Variants in ZNF385D observed in about 807,000 individuals in gnomAD.
ZNF385D encodes zinc finger protein 385D.
In ZNF385D, 15 loss-of-function variants were observed where a neutral mutation model predicts 35.8. That is an observed-to-expected ratio of 0.42 (90% CI 0.28 to 0.64). The LOEUF (loss-of-function observed/expected upper bound fraction) is 0.64. ZNF385D is among the 30% of genes least tolerant of loss of function. The probability of loss-of-function intolerance (pLI) is 0.23; values close to 1 mark genes in which losing one functional copy is unlikely to be tolerated. For synonymous variants in ZNF385D, 212 were observed against 186.8 expected (o/e 1.13, Z -1.10); for missense variants, 474 against 494.6 (o/e 0.96, Z 0.39).
chr3:21,743,845 T>C (rs1412676151), intron 1 of ZNF385D, among the ~76,000 whole-genome samples: 1 of 152,224 alleles, frequency 6.6e-6, no homozygotes, highest in Middle Eastern at 3.2e-3. Flanking sequence ...TGATTTGATG[T>C]AAAAAGACAA....
In ZNF385D at chr3:21,413,623, A is replaced by T. The variant is rs1666526130; in HGVS notation, c.*7591T>A. The T allele has an allele frequency of 6.6e-6, 1 of 152,098 alleles. No homozygotes were observed. Among genetic ancestry groups the T allele is most frequent in the Admixed American group, 6.6e-5 (1 of 15,250 alleles). The allele number at this position is 152,098 out of a possible 1,614,324, so 9.4% of individuals were successfully genotyped here. On this transcript the variant is annotated 3_prime_UTR_variant, in exon 8 of 8. Transcript: ENST00000281523. ...ATTGATATTAGATAAAACCCTGGTTATATTTTTTAAGCCATAAGAATATAA... is the reference window on the plus strand; with the variant it reads ...ATTGATATTAGATAAAACCCTGGTTTTATTTTTTAAGCCATAAGAATATAA...
intron 3 of ZNF385D, among the ~76,000 whole-genome samples, chr3:21,756,789 T>C (rs868865594): frequency 1.3e-5 from 2 of 152,192 alleles, no homozygotes; most frequent in East Asian, 1.9e-4. Context: ...AGTTGGCCTA[T>C]AGTATACCAC....
Position 22,292,840 on chromosome 3 carries a change from AAGAG to A in ZNF385D, c.106+79606_106+79609del, listed in dbSNP as rs1320443890. ...GGGCAAAATTCTATAGTGACAGAAA[AAGAG>A]AGAGAGAATTTTAAGCAGCAGCTGC... is the stretch of plus-strand genomic sequence containing the variant. On this transcript the variant is annotated intron_variant, in intron 2 of 5. Coordinates refer to the ZNF385D transcript ENST00000494108. Among the ~76,000 whole-genome samples the A allele has an allele frequency of 7.2e-5, 11 of 152,212 alleles. No homozygotes were observed. In the East Asian group the frequency reaches 9.7e-4, roughly 13 times the overall value.
chr3:21,466,310 C>T (rs975632199), intron 4 of ZNF385D, among the ~76,000 whole-genome samples: 4 of 152,180 alleles, frequency 2.6e-5, no homozygotes, highest in African/African-American at 9.7e-5. Flanking sequence ...CCTACTCCTT[C>T]ATACATCCAC....
intron 3 of ZNF385D, among the ~76,000 whole-genome samples, chr3:21,997,895 G>C (rs150712592): frequency 0.023 from 3,464 of 151,144 alleles, 77 homozygotes; most frequent in Middle Eastern, 0.092. Context: ...GTGTGTGTGT[G>C]TGTGTGTGTG....
At chr3:22,231,917 C>T (rs1389232411) in intron 2 of ZNF385D, among the ~76,000 whole-genome samples, 7 of 151,990 alleles carry the variant, frequency 4.6e-5, no homozygotes, top group African/African-American at 1.4e-4. Context: ...TATATGGCAC[C>T]TCTTCCCTGT....
At position 22,265,360 on chromosome 3, in the gene ZNF385D, G is replaced by A. The variant is rs549724379; in HGVS notation, c.107-96325C>T. Among the ~76,000 whole-genome samples, 23 of 152,018 alleles carry A rather than the reference G, an allele frequency of 1.5e-4. No homozygotes were observed. The East Asian group carries it at 2.9e-3, about 19-fold the overall frequency. On this transcript the variant is annotated intron_variant, in intron 2 of 5. Coordinates refer to the ZNF385D transcript ENST00000494108. ...TTAAAATGAATTAAGACACTTAAGC[G>A]ATCATCATGAAATTACAAAAAATTT...
At chr3:21,978,421 T>C (rs1052766238) in intron 3 of ZNF385D, 2 of 152,222 alleles carry the variant, frequency 1.3e-5, no homozygotes, top group Non-Finnish European at 2.9e-5. Flanking sequence ...AATTTATTTA[T>C]TTTTGCTTTA....
At chr3:21,851,590 G>C (rs914651879) in intron 3 of ZNF385D, among the ~76,000 whole-genome samples, 1 of 151,660 alleles carries the variant, frequency 6.6e-6, no homozygotes, top group Admixed American at 6.6e-5. Flanking sequence ...GCAATAAAAA[G>C]CAAAAAAGAA....
intron 2 of ZNF385D, among the ~76,000 whole-genome samples, chr3:22,272,899 CG>C (rs1182818440): frequency 1.3e-5 from 2 of 151,794 alleles, no homozygotes; most frequent in Non-Finnish European, 2.9e-5. Context: ...TGGGTTACCT[CG>C]GGGGCCAACT....
At chr3:21,987,306 C>T (rs1452487369) in intron 3 of ZNF385D, among the ~76,000 whole-genome samples, 1 of 133,922 alleles carries the variant, frequency 7.5e-6, no homozygotes, top group Non-Finnish European at 1.5e-5. Flanking sequence ...GTGGCTGGTA[C>T]CGGTTGTTCC....
chr3:21,536,224 G>A (rs1559381640), intron 3 of ZNF385D, among the ~76,000 whole-genome samples: 3 of 152,040 alleles, frequency 2.0e-5, no homozygotes, highest in African/African-American at 2.4e-5. Context: ...AGGTAATGGA[G>A]GACTCTAGCA....
At chr3:22,136,469 A>T (rs1248557820) in intron 3 of ZNF385D, among the ~76,000 whole-genome samples, 1 of 152,194 alleles carries the variant, frequency 6.6e-6, no homozygotes. Context: ...AAAAATGACA[A>T]GTTATAGATT....
At chr3:22,364,032 T>C (rs1413554038) in intron 2 of ZNF385D, among the ~76,000 whole-genome samples, 1 of 152,136 alleles carries the variant, frequency 6.6e-6, no homozygotes, top group Non-Finnish European at 1.5e-5. Context: ...TTTCTACCTC[T>C]TGATGCTCAA....
At chr3:21,557,886 T>C (rs1456117351) in intron 3 of ZNF385D, among the ~76,000 whole-genome samples, 1 of 152,126 alleles carries the variant, frequency 6.6e-6, no homozygotes, top group Non-Finnish European at 1.5e-5. Context: ...CTTGGGAGGG[T>C]GTATGGGTCC....
At chr3:22,090,943 G>C (rs1371309223) in intron 3 of ZNF385D, among the ~76,000 whole-genome samples, 1 of 152,088 alleles carries the variant, frequency 6.6e-6, no homozygotes, top group African/African-American at 2.4e-5. Context: ...TGCTCAGGAG[G>C]AACAGGTATA....
chr3:22,290,197 C>T (rs76098060), intron 2 of ZNF385D, among the ~76,000 whole-genome samples: 1 of 152,032 alleles, frequency 6.6e-6, no homozygotes, highest in African/African-American at 2.4e-5. Context: ...TGTCTCTTCA[C>T]GGGGAAGCTG....
At chr3:22,080,112 C>T (rs1302709095) in intron 3 of ZNF385D, among the ~76,000 whole-genome samples, 3 of 152,100 alleles carry the variant, frequency 2.0e-5, no homozygotes, top group African/African-American at 2.4e-5. Flanking sequence ...TTTGCCATTA[C>T]AGTTTGTCAT....
chr3:22,015,772 T>C (rs1383131648), intron 3 of ZNF385D, among the ~76,000 whole-genome samples: 1 of 152,138 alleles, frequency 6.6e-6, no homozygotes, highest in Admixed American at 6.5e-5. Context: ...CTCCATCTCC[T>C]GGCTTTCCTA....
Sources: allele counts gnomAD v4.1 joint callset (sites outside exome capture counted in the v4.1 genomes callset), GRCh38; gene constraint gnomAD v4.1.1; transcripts MANE v1.5; gene names NCBI Gene and HGNC (gene_info 2026-07-23, HGNC 2026-07-21).